The following RAPGEF1 variants were observed in gnomAD, a reference collection of about 807,000 sequenced individuals.
RAPGEF1 encodes Rap guanine nucleotide exchange factor 1, also known as CRK SH3-binding GNRP.
In RAPGEF1, 33 loss-of-function variants were observed where a neutral mutation model predicts 143.3. The observed-to-expected ratio is 0.23, with a 90% CI of 0.17 to 0.31. RAPGEF1 has a LOEUF of 0.31. Ranked by LOEUF, RAPGEF1 falls within the 10% of genes least tolerant of loss-of-function variation. The pLI is 1.00. For missense variants in RAPGEF1, 1,199 were observed against 1,645.4 expected, an observed-to-expected ratio of 0.73 and a Z score of 4.69; for synonymous variants, 629 against 676.5, an observed-to-expected ratio of 0.93 and a Z score of 1.09.
intron 1 of RAPGEF1, among the ~76,000 whole-genome samples, chr9:131,722,032 T>A (rs933233963): frequency 2.6e-5 from 4 of 152,196 alleles, no homozygotes; most frequent in African/African-American, 9.6e-5. Context: ...CCTGCTAATG[T>A]ATTTTCTCCT....
At chr9:131,715,000 C>T (rs1406109318) in intron 1 of RAPGEF1, among the ~76,000 whole-genome samples, 2 of 152,100 alleles carry the variant, frequency 1.3e-5, no homozygotes, top group East Asian at 1.9e-4. Flanking sequence ...CATGAGCCAC[C>T]GAGTCTGGCC....
Position 131,579,181 on chromosome 9 carries a change from T to G in RAPGEF1, c.*316A>C. 1.1e-5 allele frequency: 3 copies of G among 275,144 alleles called. No individual in the cohort carries two copies. Among genetic ancestry groups the G allele is most frequent in the South Asian group, 4.6e-5 (1 of 21,714 alleles). The allele number at this position is 275,144 out of a possible 1,614,324, so 17.0% of individuals were successfully genotyped here. A position where few individuals can be genotyped will look rare whatever the true frequency, so the allele number is the denominator to read the frequency against. ...CTGCTGCTCTCTCCCTGGAGGGGAGTGGGTGGAAGGTCAAGAGGGGAGAGA... is the reference window on the plus strand; with the variant it reads ...CTGCTGCTCTCTCCCTGGAGGGGAGGGGGTGGAAGGTCAAGAGGGGAGAGA... On this transcript the variant is annotated 3_prime_UTR_variant, in exon 27 of 27. Coordinates refer to ENST00000683357, the MANE Select transcript of RAPGEF1 (RefSeq NM_001377935.1).
At chr9:131,625,039 G>A (rs1962532444) in intron 10 of RAPGEF1, among the ~76,000 whole-genome samples, 1 of 152,266 alleles carries the variant, frequency 6.6e-6, no homozygotes, top group South Asian at 2.1e-4. Context: ...GCTGGGCTCA[G>A]AAGCTCTCAT....
chr9:131,675,742 T>C lies in RAPGEF1; in HGVS notation c.62-24793A>G, dbSNP rs1451634320. On this transcript the variant is annotated intron_variant, in intron 1 of 26. Transcript: ENST00000683357. This position sits in a 1 kb window ranked among gnomAD's most constrained non-coding sequence, Gnocchi z 4.6. The stretch of plus-strand genomic sequence containing the variant: ...AGTCTACTTCTTGCTCCTCAAAAGA[T>C]AGCCTGTAATTTACTGAGCACTTAC... Among the ~76,000 whole-genome samples, 1 of 152,200 alleles carries C rather than the reference T, an allele frequency of 6.6e-6. No homozygotes were observed. Among genetic ancestry groups the C allele is most frequent in the Non-Finnish European group, 1.5e-5 (1 of 68,036 alleles).
chr9:131,707,835 A>C (rs962334890), intron 1 of RAPGEF1, among the ~76,000 whole-genome samples: 1 of 152,182 alleles, frequency 6.6e-6, no homozygotes, highest in Non-Finnish European at 1.5e-5. Flanking sequence ...TTCACCCTTA[A>C]ATACTTCAGC....
chr9:131,703,400 C>T (rs1193946318), intron 1 of RAPGEF1, among the ~76,000 whole-genome samples: 4 of 152,116 alleles, frequency 2.6e-5, no homozygotes, highest in Non-Finnish European at 2.9e-5. Context: ...ATCATTTCAA[C>T]CAAAATTAAA....
Position 131,655,405 on chromosome 9 carries a change from A to T in RAPGEF1, c.62-4456T>A, listed in dbSNP as rs543225440. ...ACAGGGTCAGGAGGCTCTCAACACC[A>T]GCCCTCATATGTCAGCAGTCATCCC... On this transcript the variant is annotated intron_variant, in intron 1 of 26. Coordinates refer to ENST00000683357, the MANE Select transcript of RAPGEF1 (RefSeq NM_001377935.1). This position sits in a 1 kb window ranked among gnomAD's most constrained non-coding sequence, Gnocchi z 4.1. Among the ~76,000 whole-genome samples, 84 of 152,306 alleles carry T rather than the reference A, an allele frequency of 5.5e-4. No individual in the cohort carries two copies. Among genetic ancestry groups the T allele is most frequent in the African/African-American group, 1.9e-3 (79 of 41,568 alleles).
chr9:131,628,237 G>T lies in RAPGEF1; in HGVS notation c.1018-141C>A, dbSNP rs1454990062. ...GAAACCACCTCTGACGTCAGTAGTC[G>T]AAGGACACATACAGCTGAGAAGCAG... On this transcript the variant is annotated intron_variant, in intron 8 of 26. Transcript: ENST00000683357. The surrounding 1 kb of genome is among the most constrained non-coding windows in gnomAD (Gnocchi z 5.7). The T allele has an allele frequency of 3.5e-6, 3 of 854,512 alleles. No homozygotes were observed. The highest frequency in any genetic ancestry group is 5.3e-6 in the Non-Finnish European group (3 of 570,350). 52.9% of individuals were successfully genotyped at this position (854,512 alleles called of 1,614,324 possible).
At chr9:131,617,843 G>A (rs1959246922) in intron 12 of RAPGEF1, among the ~76,000 whole-genome samples, 1 of 152,242 alleles carries the variant, frequency 6.6e-6, no homozygotes. Flanking sequence ...CTTCTTTCAA[G>A]TGGGACTCGA....
intron 1 of RAPGEF1, among the ~76,000 whole-genome samples, 190 bp downstream of exon 1, chr9:131,739,580 C>A (rs1173187507): frequency 6.7e-6 from 1 of 149,756 alleles, no homozygotes; most frequent in Non-Finnish European, 1.5e-5. Flanking sequence ...GCGGCCGCTT[C>A]CCCCCGCGCC....
chr9:131,711,489 C>T (rs947955899), intron 1 of RAPGEF1, among the ~76,000 whole-genome samples: 13 of 151,844 alleles, frequency 8.6e-5, no homozygotes, highest in Non-Finnish European at 1.8e-4. Context: ...TCCTGAATAG[C>T]TGGATTACAG....
At chr9:131,709,627 C>G (rs757471001) in intron 1 of RAPGEF1, 1 of 1,613,870 alleles carries the variant, frequency 6.2e-7, no homozygotes, top group South Asian at 1.1e-5. Flanking sequence ...TACCTTGTTT[C>G]CAGGGGTACA....
intron 25 of RAPGEF1, among the ~76,000 whole-genome samples, chr9:131,582,152 C>T (rs1951956845): frequency 6.6e-6 from 1 of 152,184 alleles, no homozygotes; most frequent in Non-Finnish European, 1.5e-5. Context: ...AACTTCTTTA[C>T]ACCAAGGCTC....
intron 22 of RAPGEF1, among the ~76,000 whole-genome samples, chr9:131,585,367 G>GGT (rs150564825): frequency 0.025 from 3,313 of 134,360 alleles, 118 homozygotes; most frequent in African/African-American, 0.1. Flanking sequence ...TTTGTAGGGG[G>GGT]GGGGCGTCTC....
At chr9:131,737,502 C>G in intron 1 of RAPGEF1, 1 of 1,613,268 alleles carries the variant, frequency 6.2e-7, no homozygotes, top group Non-Finnish European at 8.5e-7. Context: ...GCACTTTCAT[C>G]TACAACCCCC....
chr9:131,638,944 C>CT (rs373347685), intron 4 of RAPGEF1, among the ~76,000 whole-genome samples, 153 bp from the exon 5 acceptor site: 1 of 152,198 alleles, frequency 6.6e-6, no homozygotes, highest in African/African-American at 2.4e-5. Context: ...TCCCATGAGA[C>CT]TTTTTCCATA....
chr9:131,588,137 G>GACCCATCCTGTCCCTGCCCCTGTCCTC, intron 20 of RAPGEF1, 111 bp from the exon 21 acceptor site: 1 of 925,866 alleles, frequency 1.1e-6, no homozygotes. Flanking sequence ...TGCCCAGCAG[G>GACCCATCCTGTCCCTGCCCCTGTCCTC]AGCGTGGAGG....
At chr9:131,683,187 C>T (rs1028551053) in intron 1 of RAPGEF1, among the ~76,000 whole-genome samples, 3 of 152,162 alleles carry the variant, frequency 2.0e-5, no homozygotes, top group Admixed American at 6.5e-5. Flanking sequence ...AACAAAGTTC[C>T]GCCAAAGATT....
At chr9:131,648,263 C>T (rs1970193452) in intron 3 of RAPGEF1, among the ~76,000 whole-genome samples, 1 of 152,180 alleles carries the variant, frequency 6.6e-6, no homozygotes, top group Non-Finnish European at 1.5e-5. Flanking sequence ...TGGTAGAGGA[C>T]GCCTGTAGTC....
Sources: allele counts gnomAD v4.1 joint callset (sites outside exome capture counted in the v4.1 genomes callset), GRCh38; gene constraint gnomAD v4.1.1; non-coding constraint Gnocchi (gnomAD v3.1); transcripts MANE v1.5; gene names NCBI Gene and HGNC (gene_info 2026-07-23, HGNC 2026-07-21).